MCPH1: variants seen among roughly 807,000 people sequenced by gnomAD.
The protein encoded by MCPH1 is microcephalin 1.
Under a neutral mutation model 84.5 loss-of-function variants are expected in MCPH1, and 104 were observed. That is an observed-to-expected ratio of 1.23 (90% confidence interval 1.05 to 1.45). The LOEUF (loss-of-function observed/expected upper bound fraction) is 1.45. Among genes scored for constraint, MCPH1 ranks in the 40% most tolerant of loss-of-function variants. The pLI, the probability that MCPH1 is intolerant of heterozygous loss-of-function variation, is 0.00. For missense variants in MCPH1, 1,498 were observed against 1,005.7 expected (o/e 1.49, Z -6.62); for synonymous variants, 514 against 366.8 (o/e 1.40, Z -4.58).
intron 12 of MCPH1, among the ~76,000 whole-genome samples, chr8:6,570,281 C>G (rs536537995): frequency 3.5e-4 from 54 of 152,124 alleles, no homozygotes; most frequent in Non-Finnish European, 5.9e-4. Flanking sequence ...AATAGCTGGC[C>G]CGATATATTT....
chr8:6,445,683 G>C (rs900211740), intron 8 of MCPH1, 136 bp downstream of exon 8: 1 of 1,441,542 alleles, frequency 6.9e-7, no homozygotes, highest in Non-Finnish European at 9.1e-7. Flanking sequence ...ATGTGCATTT[G>C]ATCATTCCAA....
intron 9 of MCPH1, among the ~76,000 whole-genome samples, chr8:6,473,449 G>A (rs1052497772): frequency 5.5e-5 from 8 of 145,492 alleles, no homozygotes; most frequent in South Asian, 4.5e-4. Flanking sequence ...CTCCTGCCTC[G>A]GCCTCCCAAG....
At chr8:6,416,840 A>G (rs1203466710) in intron 3 of MCPH1, among the ~76,000 whole-genome samples, 1 of 152,128 alleles carries the variant, frequency 6.6e-6, no homozygotes, top group East Asian at 1.9e-4. Context: ...TTAAAAATAC[A>G]AAAATTAGCC....
At chr8:6,428,404 C>A (rs903519079) in intron 3 of MCPH1, among the ~76,000 whole-genome samples, 3 of 152,138 alleles carry the variant, frequency 2.0e-5, no homozygotes, top group Admixed American at 2.0e-4. Context: ...CTGTCATTGA[C>A]CAAAAGGTTG....
chr8:6,480,813 A>G lies in MCPH1; in HGVS notation c.2073A>G (p.Pro691=), dbSNP rs1323017137. The G allele has an allele frequency of 1.9e-6, 3 of 1,614,060 alleles. No homozygotes were observed. The highest frequency in any genetic ancestry group is 1.7e-5 in the Admixed American group (1 of 60,010). Residue 691 remains proline (P), a synonymous_variant, in exon 11 of 14, where the codon CCA becomes CCG. Coordinates refer to ENST00000344683, the MANE Select transcript of MCPH1 (RefSeq NM_024596.5). ...CGACTCACGTGCTTTCCGGGAAGCC[A>G]CTTCGCACCCTGAATGTGCTGCTGG... ...ETTTHVLSGK[P]LRTLNVLLGI...
chr8:6,631,215 T>G (rs1797135083), intron 13 of MCPH1, among the ~76,000 whole-genome samples: 1 of 152,206 alleles, frequency 6.6e-6, no homozygotes, highest in South Asian at 2.1e-4. Context: ...GATTCATACC[T>G]GAAGGATTGA....
At chr8:6,642,001 T>C in intron 13 of MCPH1, among the ~76,000 whole-genome samples, 1 of 152,202 alleles carries the variant, frequency 6.6e-6, no homozygotes, top group East Asian at 1.9e-4. Flanking sequence ...TCTGGGACAC[T>C]ATCTTGAGCT....
rs190916874 is a variant in MCPH1, at chr8:6,479,534, A to G, written c.1974-1180A>G. Among the ~76,000 whole-genome samples, 601 of 151,930 alleles carry G rather than the reference A, an allele frequency of 4.0e-3. 2 individuals carry two copies. Among genetic ancestry groups the G allele is most frequent in the African/African-American group, 0.014 (579 of 41,410 alleles). ...ACTGCAAGCTCCACCTCCCGGGTTC[A>G]CGCCATTCTCCTGCGTCAGCCTCCT... On this transcript the variant is annotated intron_variant, in intron 10 of 13. Coordinates refer to ENST00000344683, the MANE Select transcript of MCPH1 (RefSeq NM_024596.5).
chr8:6,445,832 C>G (rs1804277362), intron 8 of MCPH1: 14 of 1,143,856 alleles, frequency 1.2e-5, no homozygotes, highest in Admixed American at 4.4e-5. Flanking sequence ...GTATGAATAA[C>G]TGAGGGGAGT....
At chr8:6,417,192 C>T (rs1245655551) in intron 3 of MCPH1, among the ~76,000 whole-genome samples, 89 of 151,968 alleles carry the variant, frequency 5.9e-4, no homozygotes, top group Non-Finnish European at 8.8e-5. Flanking sequence ...TTTTCTGCCC[C>T]GTTTCCTCCT....
chr8:6,628,242 G>A (rs182722154), intron 13 of MCPH1, among the ~76,000 whole-genome samples: 54 of 152,044 alleles, frequency 3.6e-4, no homozygotes, highest in Non-Finnish European at 6.0e-4. Context: ...AGGCCGAAGC[G>A]GGCGGATCAT....
chr8:6,576,377 T>C (rs1011419502), intron 12 of MCPH1, among the ~76,000 whole-genome samples: 2 of 152,036 alleles, frequency 1.3e-5, no homozygotes, highest in Admixed American at 6.5e-5. Context: ...TCTGTAACCA[T>C]TGTTGTGAGG....
intron 12 of MCPH1, among the ~76,000 whole-genome samples, chr8:6,558,349 CT>C (rs1231645141): frequency 6.6e-6 from 1 of 152,150 alleles, no homozygotes; most frequent in East Asian, 1.9e-4. Flanking sequence ...CCATATCTTA[CT>C]TTCATAACAT....
At chr8:6,567,915 T>C (rs1246325485) in intron 12 of MCPH1, among the ~76,000 whole-genome samples, 2 of 152,220 alleles carry the variant, frequency 1.3e-5, no homozygotes, top group East Asian at 3.8e-4. Flanking sequence ...ACCCACCCAA[T>C]TTTTGTCTGT....
rs1396736915 is a variant in MCPH1, at chr8:6,420,671, T to A, written c.233+5788T>A. ...TCTCATAGATCTTTATCTCTGCTGT[T>A]ACAGTCGAGACAAGTATCATGTCTT... is the stretch of plus-strand genomic sequence containing the variant. On this transcript the variant is annotated intron_variant, in intron 3 of 13. Transcript: ENST00000344683. 5.3e-5 allele frequency among the ~76,000 whole-genome samples: 8 copies of A among 152,210 alleles called. 1 individual carries two copies. Among genetic ancestry groups the A allele is most frequent in the Admixed American group, 3.9e-4 (6 of 15,278 alleles).
intron 3 of MCPH1, among the ~76,000 whole-genome samples, chr8:6,420,078 T>C (rs548562063): frequency 7.9e-4 from 120 of 151,834 alleles, no homozygotes; most frequent in Non-Finnish European, 1.4e-3. Context: ...GGCTCGTGTA[T>C]CTCGTTTGCG....
At chr8:6,419,484 C>A (rs1799846017) in intron 3 of MCPH1, among the ~76,000 whole-genome samples, 1 of 151,974 alleles carries the variant, frequency 6.6e-6, no homozygotes, top group Non-Finnish European at 1.5e-5. Context: ...GCTCTGCCTC[C>A]CAGGTTCATG....
At chr8:6,606,648 G>A (rs142544610) in intron 12 of MCPH1, among the ~76,000 whole-genome samples, 326 of 152,324 alleles carry the variant, frequency 2.1e-3, no homozygotes, top group Non-Finnish European at 3.4e-3. Context: ...GTGAGAAGGT[G>A]TATGTGAGAA....
chr8:6,448,941 A>G (rs1804740233), intron 8 of MCPH1, among the ~76,000 whole-genome samples: 1 of 152,114 alleles, frequency 6.6e-6, no homozygotes, highest in Non-Finnish European at 1.5e-5. Flanking sequence ...TGACACTGGA[A>G]TACATTTTTT....
Sources: allele counts gnomAD v4.1 joint callset (sites outside exome capture counted in the v4.1 genomes callset), GRCh38; gene constraint gnomAD v4.1.1; transcripts MANE v1.5; gene names NCBI Gene and HGNC (gene_info 2026-07-23, HGNC 2026-07-21).